The following LEPR variants were observed in gnomAD, a reference collection of about 807,000 sequenced individuals.
LEPR encodes OB receptor.
A neutral mutation model predicts 114.7 loss-of-function variants in LEPR; 56 were observed. That is an observed-to-expected ratio of 0.49 (90% CI 0.39 to 0.61). The LOEUF is 0.61. LEPR is among the 20% of genes least tolerant of loss of function. LEPR has a pLI of 0.00. For missense variants in LEPR, 1,202 were observed against 1,352.9 expected (o/e 0.89, Z 1.75); for synonymous variants, 443 against 461.4 (o/e 0.96, Z 0.51).
At chr1:65,472,144 G>A (rs1315509660) in intron 2 of LEPR, among the ~76,000 whole-genome samples, 1 of 151,936 alleles carries the variant, frequency 6.6e-6, no homozygotes, top group South Asian at 2.1e-4. Flanking sequence ...GAGCAACTGA[G>A]GTCTTCAAAA....
chr1:65,488,212 C>CTT (rs756857644), intron 2 of LEPR, among the ~76,000 whole-genome samples: 5,234 of 34,666 alleles, frequency 0.15, 286 homozygotes, highest in Middle Eastern at 0.19. Flanking sequence ...TTCTTTCTTT[C>CTT]TCTCTCTCTC....
chr1:65,596,057 A>G (rs539709382), intron 6 of LEPR, among the ~76,000 whole-genome samples: 2 of 152,102 alleles, frequency 1.3e-5, no homozygotes, highest in African/African-American at 4.8e-5. Context: ...GTTCTGCAAA[A>G]TGCTTTTTTC....
At chr1:65,456,428 T>G (rs1210582183) in intron 2 of LEPR, among the ~76,000 whole-genome samples, 2 of 152,188 alleles carry the variant, frequency 1.3e-5, no homozygotes, top group African/African-American at 4.8e-5. Flanking sequence ...GGTCTCCAAC[T>G]ACAATCATGG....
chr1:65,557,972 T>C (rs1374808120), intron 2 of LEPR, among the ~76,000 whole-genome samples: 2 of 152,202 alleles, frequency 1.3e-5, no homozygotes, highest in African/African-American at 2.4e-5. Context: ...GGTTGTTTTA[T>C]GTAAGGAAAA....
intron 11 of LEPR, 145 bp from the exon 12 acceptor site, chr1:65,608,608 A>G (rs1656975769): frequency 1.0e-6 from 1 of 959,318 alleles, no homozygotes; most frequent in Non-Finnish European, 1.5e-6. Context: ...ATAAAGTAAT[A>G]GGGAAACAAA....
At chr1:65,539,129 T>C (rs1296403816) in intron 2 of LEPR, among the ~76,000 whole-genome samples, 6 of 151,856 alleles carry the variant, frequency 4.0e-5, no homozygotes, top group Non-Finnish European at 7.4e-5. Context: ...TTGAAATTTT[T>C]TTTTTGTACT....
intron 2 of LEPR, chr1:65,427,875 A>C (rs985300670): frequency 1.2e-5 from 3 of 251,154 alleles, no homozygotes; most frequent in Non-Finnish European, 2.5e-5. Flanking sequence ...TCCTGGCCTC[A>C]AGTCATCCTC....
intron 2 of LEPR, among the ~76,000 whole-genome samples, chr1:65,496,674 G>A (rs1648176114): frequency 6.6e-6 from 1 of 152,156 alleles, no homozygotes; most frequent in South Asian, 2.1e-4. Flanking sequence ...TGTACACTCA[G>A]TTTTCCCTAT....
At chr1:65,611,679 G>GT (rs1657178848) in intron 14 of LEPR, among the ~76,000 whole-genome samples, 1 of 152,144 alleles carries the variant, frequency 6.6e-6, no homozygotes, top group East Asian at 1.9e-4. Flanking sequence ...CAGTTCTTAT[G>GT]TTTTCCTCAT....
chr1:65,473,396 A>G (rs1386552955), intron 2 of LEPR, among the ~76,000 whole-genome samples: 1 of 152,236 alleles, frequency 6.6e-6, no homozygotes, highest in African/African-American at 2.4e-5. Flanking sequence ...ATGCCTTCCA[A>G]TGCTTTCAGA....
chr1:65,488,194 T>C lies in LEPR; in HGVS notation c.-21+62816T>C, dbSNP rs1323549007. ...TTTCTTTCTTTCTTTCTTTCTTTCTTTCTTTCTTTCTTTCTTTCTCTCTCT... is the reference window on the plus strand; with the variant it reads ...TTTCTTTCTTTCTTTCTTTCTTTCTCTCTTTCTTTCTTTCTTTCTCTCTCT... On this transcript the variant is annotated intron_variant, in intron 2 of 19. Transcript: ENST00000349533. Among the ~76,000 whole-genome samples the C allele has an allele frequency of 7.0e-4, 16 of 22,996 alleles. No individual in the cohort carries two copies. The East Asian group carries it at 8.4e-3, about 12-fold the overall frequency. 15.1% of individuals were successfully genotyped at this position (22,996 alleles called of 152,430 possible).
intron 2 of LEPR, among the ~76,000 whole-genome samples, chr1:65,516,425 A>G (rs1399212321): frequency 2.0e-5 from 3 of 149,668 alleles, no homozygotes; most frequent in Non-Finnish European, 4.4e-5. Flanking sequence ...GCCTGGGCGA[A>G]AGAGCGAGAC....
In LEPR at chr1:65,641,513, T is replaced by C. The variant is rs1644866686; in HGVS notation, c.*4498T>C. On this transcript the variant is annotated 3_prime_UTR_variant, in exon 20 of 20. Coordinates refer to ENST00000349533, the MANE Select transcript of LEPR (RefSeq NM_002303.6). ...CAGTATATTTATCTTTTTATCATTATGAATTATAAGCAGTGTTAATTTTGA... is the reference window on the plus strand; with the variant it reads ...CAGTATATTTATCTTTTTATCATTACGAATTATAAGCAGTGTTAATTTTGA... The C allele has an allele frequency of 1.3e-5, 2 of 152,242 alleles. No individual in the cohort carries two copies. The highest frequency in any genetic ancestry group is 4.1e-4 in the South Asian group (2 of 4,836). 9.4% of individuals were successfully genotyped at this position (152,242 alleles called of 1,614,324 possible).
chr1:65,543,206 T>C (rs1022427088), intron 2 of LEPR, among the ~76,000 whole-genome samples: 14 of 152,088 alleles, frequency 9.2e-5, no homozygotes, highest in Admixed American at 9.2e-4. Flanking sequence ...ATTTCTCAAA[T>C]GACCAGTGAT....
intron 2 of LEPR, chr1:65,493,919 A>G (rs1274631211): frequency 2.0e-5 from 3 of 152,218 alleles, no homozygotes; most frequent in African/African-American, 4.8e-5. Flanking sequence ...AATAGTGCAC[A>G]TCTTGAAAAC....
At chr1:65,469,302 A>G (rs1487655906) in intron 2 of LEPR, among the ~76,000 whole-genome samples, 1 of 152,212 alleles carries the variant, frequency 6.6e-6, no homozygotes, top group African/African-American at 2.4e-5. Context: ...CTTGTACTTG[A>G]AAGTTGAGGA....
intron 2 of LEPR, chr1:65,432,182 T>C (rs1230345828): frequency 1.2e-5 from 13 of 1,121,066 alleles, no homozygotes; most frequent in Middle Eastern, 3.9e-4. Context: ...GAAAATATAT[T>C]AACGCAGTCT....
At chr1:65,552,806 A>T (rs1652506000) in intron 2 of LEPR, among the ~76,000 whole-genome samples, 1 of 152,160 alleles carries the variant, frequency 6.6e-6, no homozygotes, top group Admixed American at 6.5e-5. Flanking sequence ...GTTTCTTCAT[A>T]GTGTTGATGG....
chr1:65,545,715 T>G (rs1208627811), intron 2 of LEPR, among the ~76,000 whole-genome samples: 2 of 152,246 alleles, frequency 1.3e-5, no homozygotes, highest in African/African-American at 4.8e-5. Context: ...TAGCCCTTTG[T>G]CAGATGAGTA....
Sources: allele counts gnomAD v4.1 joint callset (sites outside exome capture counted in the v4.1 genomes callset), GRCh38; gene constraint gnomAD v4.1.1; transcripts MANE v1.5; gene names NCBI Gene and HGNC (gene_info 2026-07-23, HGNC 2026-07-21).